The following MGA variants were observed in gnomAD, a reference collection of about 807,000 sequenced individuals.
The protein encoded by MGA is MAX dimerization protein MGA.
A neutral mutation model predicts 261.1 loss-of-function variants in MGA; 40 were observed. The ratio of observed to expected loss-of-function variants is 0.15; its 90% confidence interval spans 0.12 to 0.20. The LOEUF (loss-of-function observed/expected upper bound fraction) is 0.20. MGA is among the 10% of genes least tolerant of loss of function. MGA has a pLI of 1.00. For synonymous variants in MGA, 1,302 were observed against 1,290.6 expected (o/e 1.01, Z -0.19); for missense variants, 3,397 against 3,630.5 (o/e 0.94, Z 1.65).
chr15:41,749,481 C>T lies in MGA; in HGVS notation c.5874C>T (p.Ser1958=). ...CAGGACAAAAGCCTGTTCCTAGCTC[C>T]ATTCTTCAGCATGTTGCTTCCCTTC... The change falls in exon 17 of 24, where the codon TCC becomes TCT. Residue 1958 remains serine (S), a synonymous_variant. Transcript: ENST00000219905. The T allele has an allele frequency of 3.7e-6, 6 of 1,613,958 alleles. No homozygotes were observed. Among genetic ancestry groups the T allele is most frequent in the Non-Finnish European group, 5.1e-6 (6 of 1,179,890 alleles).
At chr15:41,727,457 A>AG (rs1279573556) in intron 10 of MGA, 51 bp downstream of exon 10, 9 of 1,532,446 alleles carry the variant, frequency 5.9e-6, no homozygotes, top group Non-Finnish European at 8.0e-6. Flanking sequence ...TCATGTGTAA[A>AG]GATGGTGTGT....
upstream of MGA, among the ~76,000 whole-genome samples, chr15:41,660,253 C>CG (rs1273056768): frequency 1.3e-5 from 2 of 152,268 alleles, no homozygotes; most frequent in East Asian, 1.9e-4. Flanking sequence ...GGCTTCCACT[C>CG]GGGGGGCGGG....
chr15:41,671,681 T>A (rs1367186154), intron 2 of MGA, among the ~76,000 whole-genome samples: 1 of 152,126 alleles, frequency 6.6e-6, no homozygotes, highest in Non-Finnish European at 1.5e-5. Context: ...AGTAAAGAAA[T>A]CCCTGCACAC....
chr15:41,686,149 C>G (rs574261217), intron 2 of MGA, among the ~76,000 whole-genome samples: 1 of 152,208 alleles, frequency 6.6e-6, no homozygotes, highest in South Asian at 2.1e-4. Context: ...TTTACATCTT[C>G]TTTCCAATCT....
intron 1 of MGA, among the ~76,000 whole-genome samples, chr15:41,647,731 C>G (rs1160243739): frequency 6.7e-6 from 1 of 148,194 alleles, no homozygotes; most frequent in Non-Finnish European, 1.5e-5. Context: ...CTTCCCAAAT[C>G]TTTGTATTTA....
intron 9 of MGA, among the ~76,000 whole-genome samples, chr15:41,721,507 C>G (rs1343052004): frequency 1.3e-5 from 2 of 152,104 alleles, no homozygotes; most frequent in Non-Finnish European, 2.9e-5. Context: ...ATCTAAGGAC[C>G]TATATCCAAA....
rs767751853 is a variant in MGA, at chr15:41,711,343, A to G, written c.3078A>G (p.Thr1026=). The change falls in exon 8 of 24, where the codon ACA becomes ACG. Residue 1026 remains threonine, a synonymous_variant. Coordinates refer to ENST00000219905, the MANE Select transcript of MGA (RefSeq NM_001164273.2). ...ATGTATCCTTAACAACTCTACTTAC[A>G]GCTCAAGTAAGTAGCTGCTGTTTTC... The G allele has an allele frequency of 5.0e-6, 8 of 1,591,780 alleles. No homozygotes were observed. Among genetic ancestry groups the G allele is most frequent in the Non-Finnish European group, 6.8e-6 (8 of 1,169,752 alleles).
At chr15:41,731,703 T>G (rs1225351870) in intron 11 of MGA, among the ~76,000 whole-genome samples, 4 of 152,222 alleles carry the variant, frequency 2.6e-5, no homozygotes, top group Non-Finnish European at 4.4e-5. Context: ...GTAAAGTTAT[T>G]CATAGCATAT....
chr15:41,661,340 C>T (rs181477761), intron 1 of MGA, among the ~76,000 whole-genome samples: 3 of 150,314 alleles, frequency 2.0e-5, no homozygotes, highest in African/African-American at 7.4e-5. Context: ...CATCACCCCC[C>T]CACCGCCCCC....
chr15:41,654,989 G>T (rs2057134882), intron 1 of MGA, among the ~76,000 whole-genome samples: 2 of 151,854 alleles, frequency 1.3e-5, no homozygotes, highest in Admixed American at 6.6e-5. Context: ...TTATTCTAAG[G>T]ATCTGTTTGT....
At position 41,750,044 on chromosome 15, in the gene MGA, A is replaced by G. The variant is rs1007614328; in HGVS notation, c.6437A>G (p.Lys2146Arg). Residue 2146 changes from lysine (K) to arginine (R), a missense_variant, in exon 17 of 24, where the codon AAA (lysine) becomes AGA (arginine). By Grantham distance (26) the Lys-to-Arg change is conservative (BLOSUM62 2). Around this residue, in one of 9 missense-constraint regions of MGA, gnomAD observed 1,410 missense variants for 1,386.4 expected, o/e 1.02. Transcript: ENST00000219905. ...AGTAAATTTGAATTGTCAGGAAGCA[A>G]AGTTATGGAGCAGCAATCTAATCTA... is the stretch of plus-strand genomic sequence containing the variant. 1 of 1,613,316 alleles carries G rather than the reference A, an allele frequency of 6.2e-7. No homozygotes were observed. Among genetic ancestry groups the G allele is most frequent in the East Asian group, 2.2e-5 (1 of 44,872 alleles).
intron 2 of MGA, among the ~76,000 whole-genome samples, chr15:41,671,926 T>G (rs2058085398): frequency 6.6e-6 from 1 of 152,246 alleles, no homozygotes; most frequent in Non-Finnish European, 1.5e-5. Flanking sequence ...TGGTATTGTT[T>G]GTAATTGCAG....
At chr15:41,656,377 T>TCTCTCTCTCTTTCTCTCACA (rs1555403733), upstream of MGA, among the ~76,000 whole-genome samples, 1 of 68,276 alleles carries the variant, frequency 1.5e-5, no homozygotes, top group Non-Finnish European at 3.5e-5. Flanking sequence ...TCTCTCTCTC[T>TCTCTCTCTCTTTCTCTCACA]CACACCCAGG....
chr15:41,739,881 A>G (rs2061996640), intron 13 of MGA, 25 bp from the exon 14 acceptor site: 1 of 1,601,852 alleles, frequency 6.2e-7, no homozygotes. Context: ...ATCTTTACAG[A>G]ATTTCTCTTT....
intron 9 of MGA, chr15:41,718,301 G>GTATATATATATATATATATACA (rs1480165023): frequency 5.4e-6 from 1 of 186,390 alleles, no homozygotes; most frequent in Non-Finnish European, 1.1e-5. Context: ...GTGTGTGTGT[G>GTATATATATATATATATATACA]TATATATATA....
intron 2 of MGA, among the ~76,000 whole-genome samples, chr15:41,690,380 C>T (rs966464573): frequency 1.3e-5 from 2 of 152,166 alleles, no homozygotes; most frequent in Non-Finnish European, 2.9e-5. Context: ...AATAATGTTG[C>T]TGTGAACATT....
chr15:41,654,299 CATCT>C (rs1437345881), intron 1 of MGA, among the ~76,000 whole-genome samples: 3 of 152,044 alleles, frequency 2.0e-5, no homozygotes, highest in Non-Finnish European at 4.4e-5. Context: ...GTGAATTTTT[CATCT>C]ATCTAAGTGT....
At chr15:41,708,461 G>A (rs2060224559) in intron 7 of MGA, among the ~76,000 whole-genome samples, 1 of 152,114 alleles carries the variant, frequency 6.6e-6, no homozygotes. Flanking sequence ...GGGACTATAG[G>A]CATGTGCCAC....
Position 41,738,564 on chromosome 15 carries a change from G to A in MGA, c.4435-1489G>A, listed in dbSNP as rs553556834. On this transcript the variant is annotated intron_variant, in intron 13 of 23. Transcript: ENST00000219905. ...TATTGATTGACACTTTGAAAACAGA[G>A]GTTTGCCTGATACAATTTCTAGTGA... Among the ~76,000 whole-genome samples, 3 of 152,228 alleles carry A rather than the reference G, an allele frequency of 2.0e-5. No individual in the cohort carries two copies. In the South Asian group the frequency reaches 6.2e-4, roughly 32 times the overall value.
Sources: allele counts gnomAD v4.1 joint callset (sites outside exome capture counted in the v4.1 genomes callset), GRCh38; gene constraint gnomAD v4.1.1; regional missense constraint gnomAD v4.1.1; transcripts MANE v1.5; gene names NCBI Gene and HGNC (gene_info 2026-07-23, HGNC 2026-07-21).